Variants in ZNF521 observed in about 807,000 individuals in gnomAD.
The protein encoded by ZNF521 is LYST-interacting protein 3.
Under a neutral mutation model 105.5 loss-of-function variants are expected in ZNF521, and 14 were observed. The observed-to-expected ratio is 0.13, with a 90% CI of 0.09 to 0.21. ZNF521 has a LOEUF of 0.21. ZNF521 is among the 10% of genes least tolerant of loss of function. The pLI is 1.00. For missense variants in ZNF521, 1,233 were observed against 1,629.7 expected (o/e 0.76, Z 4.19); for synonymous variants, 635 against 606.0 (o/e 1.05, Z -0.70).
At chr18:25,276,731 G>A (rs747338475) in intron 3 of ZNF521, among the ~76,000 whole-genome samples, 95 of 152,216 alleles carry the variant, frequency 6.2e-4, no homozygotes, top group African/African-American at 2.0e-3. Flanking sequence ...ATATGCGCAC[G>A]TCACTTTCTA....
At chr18:25,193,931 C>G (rs1163442456) in intron 5 of ZNF521, among the ~76,000 whole-genome samples, 1 of 151,806 alleles carries the variant, frequency 6.6e-6, no homozygotes, top group Non-Finnish European at 1.5e-5. Context: ...GAAGACCTAT[C>G]ATTTGAAAAC....
At chr18:25,089,304 G>A (rs2033694262) in intron 7 of ZNF521, among the ~76,000 whole-genome samples, 161 bp downstream of exon 7, 1 of 152,176 alleles carries the variant, frequency 6.6e-6, no homozygotes, top group Non-Finnish European at 1.5e-5. Context: ...TTACTTTGGT[G>A]TCTATTAATC....
chr18:25,155,256 T>G (rs928418458), intron 5 of ZNF521, among the ~76,000 whole-genome samples: 6 of 152,216 alleles, frequency 3.9e-5, no homozygotes, highest in African/African-American at 1.4e-4. Context: ...GGTTGTATGT[T>G]TTCTTCCTAT....
At chr18:25,342,788 A>T (rs989859471) in intron 2 of ZNF521, among the ~76,000 whole-genome samples, 2 of 152,240 alleles carry the variant, frequency 1.3e-5, no homozygotes, top group Non-Finnish European at 2.9e-5. Flanking sequence ...TAGTGGTAAT[A>T]AAAAGCATAT....
intron 2 of ZNF521, among the ~76,000 whole-genome samples, chr18:25,325,060 T>C (rs1051676454): frequency 6.6e-6 from 1 of 152,228 alleles, no homozygotes; most frequent in Admixed American, 6.5e-5. Context: ...AATTTGTTTT[T>C]AGGTCAACAC....
chr18:25,125,098 G>T (rs1355645582), intron 5 of ZNF521, among the ~76,000 whole-genome samples: 1 of 152,062 alleles, frequency 6.6e-6, no homozygotes, highest in African/African-American at 2.4e-5. Flanking sequence ...ATAGTATCCT[G>T]GAGGTATAAA....
chr18:25,158,733 A>T (rs893963947), intron 5 of ZNF521, among the ~76,000 whole-genome samples: 1 of 152,154 alleles, frequency 6.6e-6, no homozygotes, highest in African/African-American at 2.4e-5. Context: ...AGGCAGGTGG[A>T]TCACTTGAGG....
intron 7 of ZNF521, among the ~76,000 whole-genome samples, chr18:25,082,368 T>C (rs1246354846): frequency 1.3e-5 from 2 of 152,074 alleles, no homozygotes; most frequent in African/African-American, 4.8e-5. Flanking sequence ...GGGGTGGGAA[T>C]TACAATCCCC....
chr18:25,312,152 A>G (rs567339395), intron 3 of ZNF521, among the ~76,000 whole-genome samples: 1 of 152,284 alleles, frequency 6.6e-6, no homozygotes, highest in African/African-American at 2.4e-5. Context: ...TGTTTCTTAT[A>G]TTACCCTTTC....
intron 2 of ZNF521, among the ~76,000 whole-genome samples, chr18:25,343,935 A>C (rs1169431436): frequency 6.6e-6 from 1 of 152,164 alleles, no homozygotes; most frequent in Admixed American, 6.5e-5. Context: ...CTAGAGTAGA[A>C]ATACTAACTA....
intron 3 of ZNF521, among the ~76,000 whole-genome samples, chr18:25,316,847 CTTTTTT>C (rs200212987): frequency 0.016 from 2,088 of 127,028 alleles, 12 homozygotes; most frequent in Middle Eastern, 0.028. Context: ...GCAAGTAAGA[CTTTTTT>C]TTTTTTTTTT....
intron 5 of ZNF521, among the ~76,000 whole-genome samples, chr18:25,093,516 C>A (rs9955970): frequency 2.0e-5 from 3 of 152,170 alleles, no homozygotes. Context: ...GGTAATACCA[C>A]GTCCCAATTA....
At chr18:25,289,653 C>A (rs1910903694) in intron 3 of ZNF521, among the ~76,000 whole-genome samples, 1 of 152,178 alleles carries the variant, frequency 6.6e-6, no homozygotes, top group Non-Finnish European at 1.5e-5. Context: ...CCAACGCATT[C>A]CCCACTTACC....
At position 25,143,307 on chromosome 18, in the gene ZNF521, C is replaced by G. The variant is rs191144837; in HGVS notation, c.3659-51226G>C. ...CCTAAACAGAAATTTATTATCATGTCAAGCTGGTAAGAGACGGGGATATAA... is the reference window on the plus strand; with the variant it reads ...CCTAAACAGAAATTTATTATCATGTGAAGCTGGTAAGAGACGGGGATATAA... On this transcript the variant is annotated intron_variant, in intron 5 of 7. Transcript: ENST00000361524. Among the ~76,000 whole-genome samples, 481 of 152,160 alleles carry G rather than the reference C, an allele frequency of 3.2e-3. 2 individuals carry two copies. The highest frequency in any genetic ancestry group is 0.017 in the Middle Eastern group (5 of 294).
chr18:25,312,896 A>C (rs1434115349), intron 3 of ZNF521, among the ~76,000 whole-genome samples: 2 of 152,242 alleles, frequency 1.3e-5, no homozygotes, highest in East Asian at 3.9e-4. Flanking sequence ...GCATGGAAGA[A>C]CTTGGTGGGA....
chr18:25,261,240 A>C (rs1908886020), intron 3 of ZNF521, among the ~76,000 whole-genome samples: 1 of 152,172 alleles, frequency 6.6e-6, no homozygotes, highest in Non-Finnish European at 1.5e-5. Flanking sequence ...AGACCTAACT[A>C]AACACCTGAC....
intron 4 of ZNF521, among the ~76,000 whole-genome samples, chr18:25,213,600 C>T (rs966513136): frequency 4.6e-5 from 7 of 151,986 alleles, no homozygotes; most frequent in Non-Finnish European, 8.8e-5. Context: ...GCCTACATTT[C>T]TCTTTTTCAG....
chr18:25,205,071 T>C (rs1211004116), intron 4 of ZNF521, among the ~76,000 whole-genome samples: 1 of 139,642 alleles, frequency 7.2e-6, no homozygotes, highest in Non-Finnish European at 1.5e-5. Flanking sequence ...GCCTACCCCC[T>C]TACACAGCAC....
At chr18:25,349,300 G>A (rs1209552935) in intron 2 of ZNF521, among the ~76,000 whole-genome samples, 1 of 152,120 alleles carries the variant, frequency 6.6e-6, no homozygotes, top group East Asian at 1.9e-4. Flanking sequence ...TGACACCCGC[G>A]CACGCCCGTG....
Sources: gnomAD v4.1 joint callset for allele counts (sites outside exome capture counted in the v4.1 genomes callset) on GRCh38, gnomAD v4.1.1 for gene constraint, MANE v1.5 for transcripts, NCBI Gene and HGNC (gene_info 2026-07-23, HGNC 2026-07-21) for gene names.